Variants in KIF26B observed in about 807,000 individuals in gnomAD.
KIF26B encodes kinesin family member 26B.
In KIF26B, 63 loss-of-function variants were observed where a neutral mutation model predicts 151.2. The observed-to-expected ratio is 0.42, with a 90% CI of 0.34 to 0.51. The LOEUF is 0.51. KIF26B is among the 20% of genes least tolerant of loss of function. The pLI is 0.07. For missense variants in KIF26B, 2,813 were observed against 2,913.6 expected, an observed-to-expected ratio of 0.97 and a Z score of 0.79; for synonymous variants, 1,357 against 1,262.1, an observed-to-expected ratio of 1.08 and a Z score of -1.59.
chr1:245,533,512 C>CA lies in KIF26B; in HGVS notation c.1167-7254dup, dbSNP rs549818320. Among the ~76,000 whole-genome samples the CA allele has an allele frequency of 3.0e-4, 45 of 152,306 alleles. 1 individual carries two copies. Among genetic ancestry groups the CA allele is most frequent in the African/African-American group, 9.4e-4 (39 of 41,574 alleles). Reference sequence around the variant, plus strand: ...TATTCTTAGGATAGGGTTAGGAACACACAGTATTCCTGAAACTTTTAAAGA... The same window carrying CA: ...TATTCTTAGGATAGGGTTAGGAACACAACAGTATTCCTGAAACTTTTAAAGA... On this transcript the variant is annotated intron_variant, in intron 4 of 14. Transcript: ENST00000407071.
At position 245,601,613 on chromosome 1, in the gene KIF26B, T is replaced by C. The variant is rs1558232045; in HGVS notation, c.1351-964T>C. Among the ~76,000 whole-genome samples the C allele has an allele frequency of 6.6e-6, 1 of 152,200 alleles. No individual in the cohort carries two copies. On this transcript the variant is annotated intron_variant, in intron 5 of 14. Transcript: ENST00000407071. This position sits in a 1 kb window ranked among gnomAD's most constrained non-coding sequence, Gnocchi z 4.4. ...GTGTCTATCCTGCTACTCTATGCAT[T>C]ACATATCTTTGCATCCCCCATGCCT...
chr1:245,580,870 C>T (rs1225227415), intron 5 of KIF26B, among the ~76,000 whole-genome samples: 4 of 152,194 alleles, frequency 2.6e-5, no homozygotes, highest in African/African-American at 9.7e-5. Flanking sequence ...CCTCGTTCTG[C>T]CCATGCTGTC....
intron 2 of KIF26B, among the ~76,000 whole-genome samples, chr1:245,263,417 G>A (rs915871125): frequency 6.6e-6 from 1 of 152,172 alleles, no homozygotes; most frequent in African/African-American, 2.4e-5. Context: ...TTCTCACTCA[G>A]TAGTCATAAT....
intron 2 of KIF26B, among the ~76,000 whole-genome samples, chr1:245,284,503 A>T (rs1383816690): frequency 3.9e-5 from 6 of 152,052 alleles, no homozygotes; most frequent in Non-Finnish European, 8.8e-5. Flanking sequence ...CATTTATTGC[A>T]CCCAGAACAA....
chr1:245,291,955 G>A (rs79463326), intron 2 of KIF26B, among the ~76,000 whole-genome samples: 4,450 of 152,238 alleles, frequency 0.029, 221 homozygotes, highest in African/African-American at 0.1. Flanking sequence ...CGGGTCTCCT[G>A]GGGCTGGGTG....
At chr1:245,671,697 T>G (rs1489156985) in intron 10 of KIF26B, among the ~76,000 whole-genome samples, 2 of 152,174 alleles carry the variant, frequency 1.3e-5, no homozygotes, top group African/African-American at 4.8e-5. Flanking sequence ...TCCCTTGGGG[T>G]TGCTAGTTCT....
chr1:245,572,990 T>A lies in KIF26B; in HGVS notation c.1351-29587T>A, dbSNP rs2043079717. Among the ~76,000 whole-genome samples, 1 of 152,210 alleles carries A rather than the reference T, an allele frequency of 6.6e-6. No homozygotes were observed. Among genetic ancestry groups the A allele is most frequent in the African/African-American group, 2.4e-5 (1 of 41,454 alleles). ...ATAAATACACATATCAATGGAGTTC[T>A]TGACATTTTGCCCAGAACCTGAGGA... On this transcript the variant is annotated intron_variant, in intron 5 of 14. Transcript: ENST00000407071. This position sits in a 1 kb window ranked among gnomAD's most constrained non-coding sequence, Gnocchi z 4.2.
chr1:245,178,732 G>A (rs1190682241), intron 2 of KIF26B, among the ~76,000 whole-genome samples: 3 of 152,164 alleles, frequency 2.0e-5, no homozygotes, highest in Admixed American at 1.3e-4. Flanking sequence ...TAGATCACCT[G>A]AGTAAGACTG....
At chr1:245,669,365 A>T (rs2044255764) in intron 10 of KIF26B, among the ~76,000 whole-genome samples, 1 of 152,232 alleles carries the variant, frequency 6.6e-6, no homozygotes, top group Non-Finnish European at 1.5e-5. Context: ...GCAATCTTAT[A>T]TGACAAAGGA....
chr1:245,649,533 G>T (rs1484279020), intron 10 of KIF26B, among the ~76,000 whole-genome samples: 1 of 152,208 alleles, frequency 6.6e-6, no homozygotes, highest in Admixed American at 6.5e-5. Flanking sequence ...CACCTTCAGG[G>T]TGTCAAGCCT....
At chr1:245,551,941 G>A (rs544213568) in intron 5 of KIF26B, among the ~76,000 whole-genome samples, 8 of 152,228 alleles carry the variant, frequency 5.3e-5, no homozygotes, top group African/African-American at 1.2e-4. Context: ...ACTGATCTGC[G>A]TAATTCCATG....
In KIF26B at chr1:245,473,037, T is replaced by C. The variant is rs116349309; in HGVS notation, c.1166+53292T>C. On this transcript the variant is annotated intron_variant, in intron 4 of 14. Transcript: ENST00000407071. ...TGTTCACTTAGGACTCTGCTCTCTG[T>C]CTCGTGCAACTTACCCTTTATTTAG... Among the ~76,000 whole-genome samples, 508 of 152,346 alleles carry C rather than the reference T, an allele frequency of 3.3e-3. 3 individuals carry two copies. The highest frequency in any genetic ancestry group is 0.012 in the African/African-American group (487 of 41,584).
chr1:245,435,037 A>G (rs1658874369), intron 4 of KIF26B, among the ~76,000 whole-genome samples: 1 of 144,350 alleles, frequency 6.9e-6, no homozygotes, highest in Non-Finnish European at 1.5e-5. Flanking sequence ...CCACCCATTC[A>G]TCCATCCATC....
rs115443231 is a variant in KIF26B at position 245,378,747 on chromosome 1, C to G, written c.999+11380C>G. On this transcript the variant is annotated intron_variant, in intron 3 of 14. Coordinates refer to ENST00000407071, the MANE Select transcript of KIF26B (RefSeq NM_018012.4). The stretch of plus-strand genomic sequence containing the variant: ...TACTCATCAATGATTTTATCCAAAT[C>G]TCACACAATGAGAGGTTGGGGTCAT... 9.0e-3 allele frequency among the ~76,000 whole-genome samples: 1,364 copies of G among 152,282 alleles called. 22 individuals are homozygous for G. The highest frequency in any genetic ancestry group is 0.03 in the African/African-American group (1,249 of 41,556).
At chr1:245,378,776 G>A (rs79649269) in intron 3 of KIF26B, among the ~76,000 whole-genome samples, 10,719 of 152,200 alleles carry the variant, frequency 0.07, 609 homozygotes, top group African/African-American at 0.16. Flanking sequence ...GGGTCATGCT[G>A]GATTTGCTGC....
At chr1:245,634,503 C>T (rs2043814302) in intron 9 of KIF26B, among the ~76,000 whole-genome samples, 1 of 152,108 alleles carries the variant, frequency 6.6e-6, no homozygotes, top group Admixed American at 6.6e-5. Flanking sequence ...ATATTGCCTT[C>T]TACTTATATA....
intron 2 of KIF26B, among the ~76,000 whole-genome samples, chr1:245,208,625 C>T (rs988327294): frequency 1.3e-5 from 2 of 152,170 alleles, no homozygotes; most frequent in African/African-American, 2.4e-5. Flanking sequence ...AGTGAGAAAA[C>T]GAGACTTCTT....
intron 9 of KIF26B, among the ~76,000 whole-genome samples, chr1:245,643,890 C>T (rs755959924): frequency 1.3e-4 from 20 of 152,064 alleles, no homozygotes; most frequent in African/African-American, 2.2e-4. Context: ...TTATATGTAA[C>T]GTGCTTTTTT....
At chr1:245,678,699 TA>T (rs201226975) in intron 10 of KIF26B, among the ~76,000 whole-genome samples, 2,891 of 151,482 alleles carry the variant, frequency 0.019, 42 homozygotes, top group Non-Finnish European at 0.022. Flanking sequence ...CCGTCTCTAC[TA>T]AAAAATACAA....
Sources: gnomAD v4.1 joint callset for allele counts (sites outside exome capture counted in the v4.1 genomes callset) on GRCh38, gnomAD v4.1.1 for gene constraint, Gnocchi (gnomAD v3.1) non-coding constraint, MANE v1.5 for transcripts, NCBI Gene and HGNC (gene_info 2026-07-23, HGNC 2026-07-21) for gene names.